CREBRF: variants seen among roughly 807,000 people sequenced by gnomAD.
CREBRF encodes the protein UPF0474 protein C5orf41.
In CREBRF, 5 loss-of-function variants were observed where a neutral mutation model predicts 66.1. The observed-to-expected ratio is 0.08, with a 90% CI of 0.04 to 0.16. The LOEUF (loss-of-function observed/expected upper bound fraction) is 0.16. Among genes scored for constraint, CREBRF ranks in the 10% least tolerant of loss-of-function variants. The pLI is 1.00. For missense variants in CREBRF, 531 were observed against 744.9 expected, an observed-to-expected ratio of 0.71 and a Z score of 3.34; for synonymous variants, 229 against 264.4, an observed-to-expected ratio of 0.87 and a Z score of 1.30.
At chr5:173,078,945 G>A (rs1439771263) in intron 1 of CREBRF, among the ~76,000 whole-genome samples, 1 of 151,928 alleles carries the variant, frequency 6.6e-6, no homozygotes, top group Non-Finnish European at 1.5e-5. Flanking sequence ...ACTTGAATTA[G>A]ATGCCTTTAG....
chr5:173,111,140 T>G (rs923937123), intron 6 of CREBRF, among the ~76,000 whole-genome samples: 1 of 152,204 alleles, frequency 6.6e-6, no homozygotes, highest in African/African-American at 2.4e-5. Flanking sequence ...TTATGTCTCT[T>G]TGTAAAAGCA....
chr5:173,061,183 G>A (rs1428952344), intron 1 of CREBRF, among the ~76,000 whole-genome samples: 2 of 152,132 alleles, frequency 1.3e-5, no homozygotes, highest in African/African-American at 4.8e-5. Context: ...GGCCAGGCTG[G>A]TCTCAATCTC....
intron 5 of CREBRF, 130 bp from the exon 6 acceptor site, chr5:173,110,392 C>G: frequency 1.3e-6 from 1 of 748,068 alleles, no homozygotes; most frequent in African/African-American, 1.7e-5. Context: ...CATGCTAAGA[C>G]TTCTGAAACA....
chr5:173,072,556 G>C (rs1028253707), intron 1 of CREBRF, among the ~76,000 whole-genome samples: 1 of 151,144 alleles, frequency 6.6e-6, no homozygotes, highest in African/African-American at 2.4e-5. Flanking sequence ...GATTACAGGC[G>C]TGAGTCACTG....
chr5:173,082,908 CAAAAAAAAAAAAAAAAAAAAA>C (rs70984937), intron 2 of CREBRF, among the ~76,000 whole-genome samples: 12 of 29,018 alleles, frequency 4.1e-4, no homozygotes, highest in Admixed American at 4.1e-3. Flanking sequence ...GACTCTGTCT[CAAAAAAAAAAAAAAAAAAAAA>C]AAAAAAAAAA....
In CREBRF at chr5:173,063,608, A is replaced by T. The variant is rs1271313646; in HGVS notation, c.-192+7129A>T. On this transcript the variant is annotated intron_variant, in intron 1 of 8. Coordinates refer to ENST00000296953, the MANE Select transcript of CREBRF (RefSeq NM_153607.3). The stretch of plus-strand genomic sequence containing the variant: ...GGTCTTGAACTCCTGACCTCAGGTG[A>T]TCCACCTGCCTTGGCCTCTCAAAGT... Among the ~76,000 whole-genome samples the T allele has an allele frequency of 5.3e-5, 8 of 152,004 alleles. No homozygotes were observed. The South Asian group carries it at 1.7e-3, about 32-fold the overall frequency.
chr5:173,069,285 A>G lies in CREBRF; in HGVS notation c.-191-11300A>G, dbSNP rs1436997417. On this transcript the variant is annotated intron_variant, in intron 1 of 8. Transcript: ENST00000296953. The stretch of plus-strand genomic sequence containing the variant: ...CCACAAAATAATGGGGAATTCTTGC[A>G]TTTATACATAAAGTAAGGCAGATGA... 2.0e-5 allele frequency among the ~76,000 whole-genome samples: 3 copies of G among 152,048 alleles called. No homozygotes were observed. In the East Asian group the frequency reaches 5.8e-4, roughly 29 times the overall value.
intron 4 of CREBRF, among the ~76,000 whole-genome samples, chr5:173,104,856 T>C (rs1317846438): frequency 2.6e-5 from 4 of 152,168 alleles, no homozygotes; most frequent in African/African-American, 9.7e-5. Context: ...GGAAAAAGGC[T>C]GGATGCCTAT....
At chr5:173,074,711 C>G (rs934534379) in intron 1 of CREBRF, among the ~76,000 whole-genome samples, 1 of 152,070 alleles carries the variant, frequency 6.6e-6, no homozygotes, top group African/African-American at 2.4e-5. Flanking sequence ...CAACCTCCAC[C>G]TCTGGGGTTC....
At chr5:173,117,603 A>ATCCC (rs1214632931) in intron 7 of CREBRF, among the ~76,000 whole-genome samples, 8 of 18,194 alleles carry the variant, frequency 4.4e-4, no homozygotes, top group African/African-American at 1.2e-3. Flanking sequence ...CCTTCCTTCC[A>ATCCC]TCCCTCCCTC....
chr5:173,117,780 A>G (rs1421540198), intron 7 of CREBRF, among the ~76,000 whole-genome samples: 1 of 145,872 alleles, frequency 6.9e-6, no homozygotes, highest in African/African-American at 2.6e-5. Context: ...GTGCGATCTC[A>G]GCTCACTGCA....
intron 4 of CREBRF, among the ~76,000 whole-genome samples, chr5:173,094,926 A>C (rs1758441046): frequency 6.6e-6 from 1 of 152,068 alleles, no homozygotes; most frequent in African/African-American, 2.4e-5. Flanking sequence ...CTTATGTTTA[A>C]GTCTTTAATC....
intron 5 of CREBRF, 65 bp from the exon 6 acceptor site, chr5:173,110,457 C>T (rs1306517619): frequency 6.9e-6 from 8 of 1,154,918 alleles, no homozygotes; most frequent in Admixed American, 3.4e-5. Flanking sequence ...AAAATGTGGC[C>T]GTGAAAAACG....
chr5:173,094,293 G>A (rs1402917841), intron 4 of CREBRF, among the ~76,000 whole-genome samples: 1 of 152,092 alleles, frequency 6.6e-6, no homozygotes, highest in African/African-American at 2.4e-5. Flanking sequence ...TATTTTGGCT[G>A]TATCCCCAGA....
At chr5:173,081,239 A>G (rs1757931258) in intron 2 of CREBRF, among the ~76,000 whole-genome samples, 2 of 152,136 alleles carry the variant, frequency 1.3e-5, no homozygotes, top group Non-Finnish European at 2.9e-5. Flanking sequence ...ACACACACAC[A>G]TACCTATGTG....
intron 1 of CREBRF, among the ~76,000 whole-genome samples, chr5:173,064,190 G>A (rs1757366357): frequency 6.6e-6 from 1 of 152,158 alleles, no homozygotes; most frequent in South Asian, 2.1e-4. Context: ...GGCTGCTGAT[G>A]GAATTGCTGC....
intron 6 of CREBRF, among the ~76,000 whole-genome samples, chr5:173,111,710 C>T (rs1314087700): frequency 1.3e-5 from 2 of 152,128 alleles, no homozygotes; most frequent in Non-Finnish European, 2.9e-5. Context: ...TGAATAAAAC[C>T]ACCATCAATG....
At chr5:173,062,385 A>G (rs1213750031) in intron 1 of CREBRF, among the ~76,000 whole-genome samples, 1 of 152,230 alleles carries the variant, frequency 6.6e-6, no homozygotes, top group Non-Finnish European at 1.5e-5. Flanking sequence ...AAAGTAATAA[A>G]GTCTACTATT....
intron 1 of CREBRF, among the ~76,000 whole-genome samples, chr5:173,067,120 C>T (rs537997287): frequency 6.6e-6 from 1 of 152,256 alleles, no homozygotes; most frequent in African/African-American, 2.4e-5. Context: ...GCCTGAGCCA[C>T]CGTGCTCGGC....
Sources: allele counts gnomAD v4.1 joint callset (sites outside exome capture counted in the v4.1 genomes callset), GRCh38; gene constraint gnomAD v4.1.1; transcripts MANE v1.5; gene names NCBI Gene and HGNC (gene_info 2026-07-23, HGNC 2026-07-21).